The following ART3 variants were observed in gnomAD, a reference collection of about 807,000 sequenced individuals.
ART3 encodes the protein ADP-ribosyltransferase 3 (inactive).
A neutral mutation model predicts 48.5 loss-of-function variants in ART3; 49 were observed. The ratio of observed to expected loss-of-function variants is 1.01; its 90% confidence interval spans 0.80 to 1.28. ART3 has a LOEUF of 1.28. Among genes scored for constraint, ART3 ranks in the 50% most tolerant of loss-of-function variants. The pLI is 0.00. For missense variants in ART3, 438 were observed against 454.3 expected (o/e 0.96, Z 0.33); for synonymous variants, 145 against 157.2 (o/e 0.92, Z 0.58).
intron 3 of ART3, 48 bp downstream of exon 3, chr4:76,082,583 T>C (rs1215983079): frequency 6.8e-7 from 1 of 1,466,918 alleles, no homozygotes. Context: ...AGGAGTGGGA[T>C]TCTTAGGCTT....
At chr4:76,102,029 A>G (rs1727438974) in intron 8 of ART3, among the ~76,000 whole-genome samples, 1 of 152,052 alleles carries the variant, frequency 6.6e-6, no homozygotes, top group African/African-American at 2.4e-5. Context: ...TAAAGAGATC[A>G]ATTGGCTTTA....
intron 11 of ART3, among the ~76,000 whole-genome samples, chr4:76,108,326 A>G (rs1487398636): frequency 6.6e-6 from 1 of 150,994 alleles, no homozygotes; most frequent in Non-Finnish European, 1.5e-5. Context: ...GTGAAGAAAT[A>G]GAGTAGATAC....
chr4:76,099,078 G>A (rs1726680689), intron 5 of ART3, 91 bp downstream of exon 5: 3 of 1,173,514 alleles, frequency 2.6e-6, no homozygotes, highest in Admixed American at 3.7e-5. Flanking sequence ...GAGGTGAGTG[G>A]ATCACTTGAG....
chr4:76,025,558 T>C (rs748590079), intron 1 of ART3, among the ~76,000 whole-genome samples: 33 of 152,246 alleles, frequency 2.2e-4, no homozygotes, highest in African/African-American at 7.5e-4. Flanking sequence ...TTTATTCTTA[T>C]AATAACATCT....
intron 1 of ART3, among the ~76,000 whole-genome samples, chr4:76,053,425 CT>C (rs199818548): frequency 8.0e-6 from 1 of 124,462 alleles, no homozygotes; most frequent in African/African-American, 3.0e-5. Flanking sequence ...TAAAAAAAAA[CT>C]AGCTATTATT....
At chr4:76,029,707 A>C (rs1733708850) in intron 1 of ART3, among the ~76,000 whole-genome samples, 1 of 152,162 alleles carries the variant, frequency 6.6e-6, no homozygotes, top group African/African-American at 2.4e-5. Flanking sequence ...CCATGTGGGC[A>C]TATTAGGTCC....
In ART3 at chr4:76,045,239, G is replaced by A. The variant is rs1023122585; in HGVS notation, c.-9-30642G>A. ...AGATCATCTCGGGCGGCATAAGTCT[G>A]GACTATAATTTGTTGGCAGTCATGC... On this transcript the variant is annotated intron_variant, in intron 1 of 9. Transcript: ENST00000341029. Among the ~76,000 whole-genome samples, 31 of 152,014 alleles carry A rather than the reference G, an allele frequency of 2.0e-4. 1 individual carries two copies. The highest frequency in any genetic ancestry group is 4.1e-4 in the Non-Finnish European group (28 of 67,954).
In ART3 at chr4:76,102,618, A is replaced by G. The variant is rs112583110; in HGVS notation, c.938-1319A>G. ...GATAGAAGAAAGTACTCTTAATACAATGGTAAATAATTGGATATAGAACTG... is the reference window on the plus strand; with the variant it reads ...GATAGAAGAAAGTACTCTTAATACAGTGGTAAATAATTGGATATAGAACTG... On this transcript the variant is annotated intron_variant, in intron 8 of 11. Transcript: ENST00000355810. Among the ~76,000 whole-genome samples the G allele has an allele frequency of 2.0e-3, 302 of 152,096 alleles. 1 individual carries two copies. The highest frequency in any genetic ancestry group is 6.9e-3 in the African/African-American group (288 of 41,550).
At chr4:76,096,982 A>T (rs1177333603) in intron 3 of ART3, among the ~76,000 whole-genome samples, 2 of 152,210 alleles carry the variant, frequency 1.3e-5, no homozygotes, top group South Asian at 4.1e-4. Flanking sequence ...ATCTGAAGAG[A>T]GGATTAATTG....
chr4:76,040,212 C>T (rs1218895704), intron 1 of ART3, among the ~76,000 whole-genome samples: 1 of 152,108 alleles, frequency 6.6e-6, no homozygotes, highest in Non-Finnish European at 1.5e-5. Context: ...GTAATTCCAG[C>T]TACTTGCAAG....
chr4:76,021,788 A>G (rs1732840477), intron 1 of ART3: 2 of 799,506 alleles, frequency 2.5e-6, no homozygotes, highest in Non-Finnish European at 4.3e-6. Flanking sequence ...TTTGGTGACC[A>G]TCATTGGTCA....
chr4:76,056,191 C>G (rs1291950388), intron 1 of ART3, among the ~76,000 whole-genome samples: 4 of 152,164 alleles, frequency 2.6e-5, no homozygotes, highest in African/African-American at 9.7e-5. Flanking sequence ...TCTCAGAGTC[C>G]CAGTAACCCT....
intron 3 of ART3, among the ~76,000 whole-genome samples, chr4:76,088,302 A>G (rs1179029843): frequency 2.6e-5 from 4 of 151,582 alleles, no homozygotes; most frequent in Non-Finnish European, 2.9e-5. Context: ...ATTTTGGTCA[A>G]TGTTTCCATA....
chr4:76,078,955 T>C (rs376396737), intron 2 of ART3, among the ~76,000 whole-genome samples: 200 of 151,924 alleles, frequency 1.3e-3, no homozygotes, highest in African/African-American at 4.2e-3. Context: ...GTGGCGGGCG[T>C]CTGTAGTCCC....
intron 1 of ART3, among the ~76,000 whole-genome samples, chr4:76,024,730 A>G (rs561412413): frequency 2.1e-4 from 32 of 152,310 alleles, no homozygotes; most frequent in Admixed American, 8.5e-4. Context: ...GAGGCAAGTG[A>G]TATTTAGAAC....
At chr4:76,089,417 T>C (rs1201089528) in intron 3 of ART3, among the ~76,000 whole-genome samples, 2 of 152,188 alleles carry the variant, frequency 1.3e-5, no homozygotes, top group Non-Finnish European at 2.9e-5. Context: ...GTTATCATGA[T>C]AGAGTTCTCA....
chr4:76,036,797 T>C, intron 1 of ART3: 1 of 253,564 alleles, frequency 3.9e-6, no homozygotes, highest in Non-Finnish European at 8.5e-6. Context: ...AGGACGTTGC[T>C]CAGCTCCTCC....
At chr4:76,083,585 T>C (rs1002924893) in intron 3 of ART3, among the ~76,000 whole-genome samples, 4 of 152,176 alleles carry the variant, frequency 2.6e-5, no homozygotes, top group Non-Finnish European at 5.9e-5. Context: ...ATCCTTACCA[T>C]GTTTTGTTTG....
At chr4:76,065,536 T>A (rs1719645120) in intron 1 of ART3, among the ~76,000 whole-genome samples, 1 of 116,028 alleles carries the variant, frequency 8.6e-6, no homozygotes, top group Non-Finnish European at 1.8e-5. Flanking sequence ...CCTCCCACAC[T>A]CTGATATAAC....
Sources: gnomAD v4.1 joint callset for allele counts (sites outside exome capture counted in the v4.1 genomes callset) on GRCh38, gnomAD v4.1.1 for gene constraint, MANE v1.5 for transcripts, NCBI Gene and HGNC (gene_info 2026-07-23, HGNC 2026-07-21) for gene names.